OR56A3: variants seen among roughly 807,000 people sequenced by gnomAD.
OR56A3 encodes the protein olfactory receptor 56A3.
Under a neutral mutation model 17.5 loss-of-function variants are expected in OR56A3, and 23 were observed. That is an observed-to-expected ratio of 1.32 (90% CI 0.95 to 1.87). The LOEUF (loss-of-function observed/expected upper bound fraction) is 1.87, where lower values mean the gene tolerates loss of function less well. OR56A3 is among the 40% of genes most tolerant of loss of function. The probability of loss-of-function intolerance (pLI) is 0.00; values close to 1 mark genes in which losing one functional copy is unlikely to be tolerated. For synonymous variants in OR56A3, 175 were observed against 150.6 expected (o/e 1.16, Z -1.19); for missense variants, 366 against 380.1 (o/e 0.96, Z 0.31).
chr11:6,010,843 G>A, the OR56A3 span, among the ~76,000 whole-genome samples: 57 of 137,030 alleles, frequency 4.2e-4, no homozygotes, highest in African/African-American at 1.4e-3. Flanking sequence ...GTGTGTGTGT[G>A]TGTGTGTGCA....
At chr11:5,993,960 G>A in the OR56A3 span, 80 of 443,584 alleles carry the variant, frequency 1.8e-4, no homozygotes, top group Admixed American at 6.9e-4. Context: ...TGAATGGTTC[G>A]CATGGAGTTG....
the OR56A3 span, chr11:6,017,034 T>A: frequency 6.6e-6 from 1 of 152,100 alleles, no homozygotes; most frequent in African/African-American, 2.4e-5. Context: ...CCAATTTCAT[T>A]GGATCTTGGA....
the OR56A3 span, among the ~76,000 whole-genome samples, chr11:5,963,474 G>GTT: frequency 1.3e-5 from 2 of 150,314 alleles, no homozygotes; most frequent in East Asian, 2.0e-4. Flanking sequence ...ATTTTTTGGT[G>GTT]TTTTTTTTTA....
the OR56A3 span, chr11:5,994,526 A>T: frequency 2.1e-6 from 2 of 938,214 alleles, no homozygotes; most frequent in Non-Finnish European, 3.4e-6. Flanking sequence ...ATGGTTCTTC[A>T]TGAAGAGCAG....
At chr11:5,973,457 G>A in the OR56A3 span, among the ~76,000 whole-genome samples, 3 of 152,004 alleles carry the variant, frequency 2.0e-5, no homozygotes, top group South Asian at 2.1e-4. Flanking sequence ...TATTTTTGTC[G>A]AATTAATTCA....
At chr11:5,994,956 C>A in the OR56A3 span, 3 of 732,384 alleles carry the variant, frequency 4.1e-6, no homozygotes, top group Non-Finnish European at 7.5e-6. Context: ...GCCAGACCCC[C>A]GGCCATCCCT....
At chr11:5,998,304 C>A in the OR56A3 span, among the ~76,000 whole-genome samples, 4 of 152,264 alleles carry the variant, frequency 2.6e-5, no homozygotes, top group African/African-American at 9.6e-5. Flanking sequence ...TACCTGTTAC[C>A]CTTCCAACCC....
At chr11:5,962,823 C>G in the OR56A3 span, among the ~76,000 whole-genome samples, 2 of 151,994 alleles carry the variant, frequency 1.3e-5, no homozygotes, top group African/African-American at 4.8e-5. Flanking sequence ...CAGGCGTGAG[C>G]CACCGTCTGG....
chr11:5,974,308 T>C, the OR56A3 span, among the ~76,000 whole-genome samples: 2 of 152,116 alleles, frequency 1.3e-5, no homozygotes, highest in Non-Finnish European at 2.9e-5. Context: ...GGTTTCACCA[T>C]GTTGGCCAAG....
At chr11:5,962,365 T>C in the OR56A3 span, among the ~76,000 whole-genome samples, 1 of 152,130 alleles carries the variant, frequency 6.6e-6, no homozygotes. Flanking sequence ...TGTGTGTGCG[T>C]GTTCTCATCT....
chr11:6,016,568 G>A, the OR56A3 span, among the ~76,000 whole-genome samples: 4 of 152,014 alleles, frequency 2.6e-5, no homozygotes, highest in Non-Finnish European at 4.4e-5. Flanking sequence ...TACACCAAAT[G>A]TGCAGATACC....
the OR56A3 span, chr11:6,021,539 T>TAAA: frequency 6.6e-6 from 1 of 152,048 alleles, no homozygotes; most frequent in African/African-American, 2.4e-5. Context: ...AATAATTAAA[T>TAAA]AAAAAATTAT....
At chr11:5,974,886 A>T in the OR56A3 span, among the ~76,000 whole-genome samples, 1 of 152,282 alleles carries the variant, frequency 6.6e-6, no homozygotes, top group Non-Finnish European at 1.5e-5. Context: ...CTGAGCTTAT[A>T]GTAAGCACTA....
chr11:5,976,113 T>G, the OR56A3 span, among the ~76,000 whole-genome samples: 1 of 150,430 alleles, frequency 6.6e-6, no homozygotes, highest in South Asian at 2.1e-4. Context: ...CTTGGGCTTG[T>G]CTCTAGGAGC....
chr11:6,016,598 T>C, the OR56A3 span, among the ~76,000 whole-genome samples: 11 of 151,282 alleles, frequency 7.3e-5, no homozygotes, highest in South Asian at 2.3e-3. Flanking sequence ...AAGCAAGAAG[T>C]GTGAAAAAGC....
At chr11:5,988,789 A>G in the OR56A3 span, among the ~76,000 whole-genome samples, 2 of 152,236 alleles carry the variant, frequency 1.3e-5, no homozygotes, top group African/African-American at 2.4e-5. Context: ...AACTTTGTCC[A>G]TGGGATTCAC....
the OR56A3 span, chr11:5,986,552 A>G: frequency 3.0e-5 from 49 of 1,613,824 alleles, no homozygotes; most frequent in Non-Finnish European, 3.6e-5. Flanking sequence ...GACTCCATGG[A>G]GGAGAATGCA....
At chr11:5,982,595 T>A in the OR56A3 span, among the ~76,000 whole-genome samples, 1 of 152,240 alleles carries the variant, frequency 6.6e-6, no homozygotes, top group South Asian at 2.1e-4. Context: ...AAGATATCCC[T>A]GTTCTCTACA....
At chr11:5,985,890 C>T in the OR56A3 span, 1 of 1,507,186 alleles carries the variant, frequency 6.6e-7, no homozygotes, top group Non-Finnish European at 8.9e-7. Context: ...AGGCTCCTGG[C>T]TGTGGTCCGC....
Sources: allele counts gnomAD v4.1 joint callset (sites outside exome capture counted in the v4.1 genomes callset), GRCh38; gene constraint gnomAD v4.1.1; transcripts MANE v1.5; gene names NCBI Gene and HGNC (gene_info 2026-07-23, HGNC 2026-07-21).